The following NPL variants were observed in gnomAD, a reference collection of about 807,000 sequenced individuals.
NPL encodes the protein N-acetylneuraminate pyruvate lyase, also known as N-acetylneuraminate lyase.
In NPL, 32 loss-of-function variants were observed where a neutral mutation model predicts 41.1. That is an observed-to-expected ratio of 0.78 (90% CI 0.59 to 1.05). NPL has a LOEUF of 1.05. Ranked by LOEUF, NPL falls within the 50% of genes least tolerant of loss-of-function variation. The probability of loss-of-function intolerance (pLI) is 0.00; values close to 1 mark genes in which losing one functional copy is unlikely to be tolerated. For synonymous variants in NPL, 128 were observed against 134.9 expected, an observed-to-expected ratio of 0.95 and a Z score of 0.35; for missense variants, 321 against 378.4, an observed-to-expected ratio of 0.85 and a Z score of 1.26.
chr1:182,799,030 G>A (rs1164392375), intron 3 of NPL, among the ~76,000 whole-genome samples: 1 of 152,198 alleles, frequency 6.6e-6, no homozygotes, highest in African/African-American at 2.4e-5. Flanking sequence ...CCTGTCCTGT[G>A]GATTCTGTCT....
intron 1 of NPL, among the ~76,000 whole-genome samples, chr1:182,790,893 T>C (rs1036513457): frequency 6.6e-6 from 1 of 152,218 alleles, no homozygotes; most frequent in African/African-American, 2.4e-5. Flanking sequence ...TCCGCCCACC[T>C]CGGCCTCCCA....
chr1:182,816,788 G>T lies in NPL; in HGVS notation c.439G>T (p.Ala147Ser). Reference protein sequence around the residue: ...ALPFYYYHIPALTGVKIRAEE... With the variant: ...ALPFYYYHIPSLTGVKIRAEE... ...GCCATTTTATTACTATCACATTCCT[G>T]CCTTGACAGGGGTAAAGAGTAAGTA... The change falls in exon 8 of 13, where the codon GCC becomes TCC. Residue 147 changes from alanine to serine, a missense_variant. Ala to Ser is a moderately conservative substitution (Grantham distance 99, BLOSUM62 1). Transcript: ENST00000367553. 1 of 1,613,012 alleles carries T rather than the reference G, an allele frequency of 6.2e-7. No individual in the cohort carries two copies. Among genetic ancestry groups the T allele is most frequent in the Non-Finnish European group, 8.5e-7 (1 of 1,179,236 alleles).
chr1:182,825,405 C>T (rs1474507383), intron 11 of NPL, among the ~76,000 whole-genome samples: 1 of 152,156 alleles, frequency 6.6e-6, no homozygotes, highest in Non-Finnish European at 1.5e-5. Flanking sequence ...CCATGTGCTC[C>T]TTAGGCATCC....
At chr1:182,811,964 T>A (rs1667187754) in intron 5 of NPL, among the ~76,000 whole-genome samples, 192 bp from the exon 6 acceptor site, 1 of 152,176 alleles carries the variant, frequency 6.6e-6, no homozygotes, top group African/African-American at 2.4e-5. Flanking sequence ...GACAAGACTT[T>A]GATATCAATG....
At position 182,828,852 on chromosome 1, in the gene NPL, C is replaced by T; in HGVS notation, c.907C>T (p.Leu303=). ...TAGTGCTGAAGCTAAACTGAAGAGC[C>T]TGGATTTCCTTTCTTTCACTGATTT... ...TDSAEAKLKS[L]DFLSFTDLKD... is the part of the protein sequence containing the mutation. Residue 303 remains leucine (L), a synonymous_variant, in exon 13 of 13, where the codon CTG becomes TTG. Transcript: ENST00000367553. This position sits in a 1 kb window ranked among gnomAD's most constrained non-coding sequence, Gnocchi z 4.0. The T allele has an allele frequency of 6.2e-7, 1 of 1,614,216 alleles. No homozygotes were observed. Among genetic ancestry groups the T allele is most frequent in the African/African-American group, 1.3e-5 (1 of 75,056 alleles).
chr1:182,824,098 A>C (rs1320664711), intron 11 of NPL, among the ~76,000 whole-genome samples: 1 of 152,168 alleles, frequency 6.6e-6, no homozygotes, highest in Non-Finnish European at 1.5e-5. Context: ...TGTTATATTT[A>C]CATGAGTGAA....
rs1667338198 is a variant in NPL at position 182,816,596 on chromosome 1, T to A, written c.365-118T>A. 24 of 751,660 alleles carry A rather than the reference T, an allele frequency of 3.2e-5. No homozygotes were observed. In the South Asian group the frequency reaches 3.2e-4, roughly 10 times the overall value. 46.6% of individuals were successfully genotyped at this position (751,660 alleles called of 1,614,324 possible). A position where few individuals can be genotyped will look rare whatever the true frequency, so the allele number is the denominator to read the frequency against. ...CAGTAGCAGGGATAGTAAAAGTGGT[T>A]GAGAATTTGAGGCTTCTGAGAAACA... On this transcript the variant is annotated intron_variant, in intron 7 of 12. Transcript: ENST00000367553.
At chr1:182,815,274 C>A (rs911750638) in intron 7 of NPL, among the ~76,000 whole-genome samples, 6 of 152,202 alleles carry the variant, frequency 3.9e-5, no homozygotes, top group African/African-American at 1.4e-4. Context: ...TAAGAGATTT[C>A]ACAGAAATAT....
At position 182,822,263 on chromosome 1, in the gene NPL, T is replaced by C. The variant is rs1323987593; in HGVS notation, c.738+64T>C. Reference sequence around the variant, plus strand: ...TTTCTTCCCCACTTGAGGATTCTTTTTCTTCTCTCTACCATGCCTGCCCTC... The same window carrying C: ...TTTCTTCCCCACTTGAGGATTCTTTCTCTTCTCTCTACCATGCCTGCCCTC... On this transcript the variant is annotated intron_variant, in intron 11 of 12. Transcript: ENST00000367553. The C allele has an allele frequency of 3.4e-5, 36 of 1,069,888 alleles. No homozygotes were observed. In the Admixed American group the frequency reaches 6.2e-4, roughly 19 times the overall value. The allele number at this position is 1,069,888 out of a possible 1,614,324, so 66.3% of individuals were successfully genotyped here.
chr1:182,803,218 G>A (rs74374783), intron 3 of NPL, among the ~76,000 whole-genome samples: 9,059 of 152,182 alleles, frequency 0.06, 366 homozygotes, highest in African/African-American at 0.12. Flanking sequence ...CCTAAGAGTA[G>A]GGTGGGAAAA....
At chr1:182,801,460 A>G (rs1431743880) in intron 3 of NPL, among the ~76,000 whole-genome samples, 3 of 152,186 alleles carry the variant, frequency 2.0e-5, no homozygotes, top group African/African-American at 7.2e-5. Flanking sequence ...AGGAGCTTCT[A>G]GTTTCACATA....
At chr1:182,818,212 G>T (rs1667388859) in intron 8 of NPL, among the ~76,000 whole-genome samples, 1 of 152,150 alleles carries the variant, frequency 6.6e-6, no homozygotes. Flanking sequence ...AGGAATCAGG[G>T]TCAAAGACCA....
At chr1:182,810,552 T>C (rs555975151) in intron 5 of NPL, among the ~76,000 whole-genome samples, 1 of 152,328 alleles carries the variant, frequency 6.6e-6, no homozygotes, top group African/African-American at 2.4e-5. Flanking sequence ...CAATTATTGC[T>C]TTTCAAGTTC....
At chr1:182,818,948 CTTTCTAATAGAAG>C in intron 10 of NPL, 89 bp downstream of exon 10, 1 of 1,091,014 alleles carries the variant, frequency 9.2e-7, no homozygotes, top group Non-Finnish European at 1.4e-6. Flanking sequence ...CATGTGTATC[CTTTCTAATAGAAG>C]TTTCCTTTCT....
intron 11 of NPL, among the ~76,000 whole-genome samples, chr1:182,823,524 G>C (rs761405903): frequency 1.3e-5 from 2 of 152,186 alleles, no homozygotes; most frequent in Non-Finnish European, 2.9e-5. Flanking sequence ...AGGGATCTAG[G>C]AAGCTGTGCC....
In NPL at chr1:182,803,867, G is replaced by A. The variant is rs551754945; in HGVS notation, c.142+96G>A. ...CCAGCCAAGAGGTCACACAGTCATG[G>A]TGTCACAGGTTATGATGGAGCCTGG... On this transcript the variant is annotated intron_variant, in intron 4 of 12. Coordinates refer to ENST00000367553, the MANE Select transcript of NPL (RefSeq NM_030769.3). The A allele has an allele frequency of 5.5e-6, 5 of 909,052 alleles. No individual in the cohort carries two copies. The African/African-American group carries it at 8.2e-5, about 15-fold the overall frequency. 56.3% of individuals were successfully genotyped at this position (909,052 alleles called of 1,614,324 possible). A position where few individuals can be genotyped will look rare whatever the true frequency, so the allele number is the denominator to read the frequency against.
rs1161168608 is a variant in NPL at position 182,802,791 on chromosome 1, A to T, written c.69-907A>T. The stretch of plus-strand genomic sequence containing the variant: ...ATCAATATGATTTTAAGAGATCTTA[A>T]CCTTAAGCATCAGATCCTTACAAGG... On this transcript the variant is annotated intron_variant, in intron 3 of 12. Coordinates refer to ENST00000367553, the MANE Select transcript of NPL (RefSeq NM_030769.3). Among the ~76,000 whole-genome samples, 4 of 152,346 alleles carry T rather than the reference A, an allele frequency of 2.6e-5. No individual in the cohort carries two copies. The East Asian group carries it at 7.7e-4, about 29-fold the overall frequency.
intron 3 of NPL, among the ~76,000 whole-genome samples, chr1:182,798,837 G>A (rs1666751501): frequency 6.6e-6 from 1 of 152,192 alleles, no homozygotes; most frequent in African/African-American, 2.4e-5. Context: ...CCAACAGGGT[G>A]GGCAGGTTAG....
In NPL at chr1:182,818,796, T is replaced by G; in HGVS notation, c.607-17T>G. On this transcript the variant is annotated splice_polypyrimidine_tract_variant and intron_variant, in intron 9 of 12. Transcript: ENST00000367553. Reference sequence around the variant, plus strand: ...TTCTCTTTTTTATACAAGTGAATATTTTTTGTTTCTGATTAGCAACTGTTG... The same window carrying G: ...TTCTCTTTTTTATACAAGTGAATATGTTTTGTTTCTGATTAGCAACTGTTG... The G allele has an allele frequency of 6.2e-7, 1 of 1,614,152 alleles. No homozygotes were observed. The highest frequency in any genetic ancestry group is 8.5e-7 in the Non-Finnish European group (1 of 1,179,986).
Sources: allele counts gnomAD v4.1 joint callset (sites outside exome capture counted in the v4.1 genomes callset), GRCh38; gene constraint gnomAD v4.1.1; non-coding constraint Gnocchi (gnomAD v3.1); transcripts MANE v1.5; gene names NCBI Gene and HGNC (gene_info 2026-07-23, HGNC 2026-07-21).